PLCB1: variants seen among roughly 807,000 people sequenced by gnomAD.
PLCB1 encodes the protein 1-phosphatidylinositol 4,5-bisphosphate phosphodiesterase beta-1.
A neutral mutation model predicts 161.8 loss-of-function variants in PLCB1; 46 were observed. That is an observed-to-expected ratio of 0.28 (90% CI 0.22 to 0.36). The LOEUF is 0.36. Ranked by LOEUF, PLCB1 falls within the 10% of genes least tolerant of loss-of-function variation. PLCB1 has a pLI of 1.00. For missense variants in PLCB1, 1,016 were observed against 1,472.5 expected (o/e 0.69, Z 5.07); for synonymous variants, 517 against 503.7 (o/e 1.03, Z -0.35).
chr20:8,851,228 T>C (rs1395676830), intron 31 of PLCB1, among the ~76,000 whole-genome samples: 3 of 152,208 alleles, frequency 2.0e-5, no homozygotes, highest in African/African-American at 7.2e-5. Context: ...TCACCATCAC[T>C]GTTTGTTACC....
At chr20:8,540,432 G>A (rs1220334182) in intron 3 of PLCB1, among the ~76,000 whole-genome samples, 1 of 152,074 alleles carries the variant, frequency 6.6e-6, no homozygotes, top group African/African-American at 2.4e-5. Flanking sequence ...ATCACAACAT[G>A]GGTACATCTT....
chr20:8,217,728 C>G (rs530928236), intron 2 of PLCB1, among the ~76,000 whole-genome samples: 2 of 152,220 alleles, frequency 1.3e-5, no homozygotes, highest in African/African-American at 4.8e-5. Context: ...GCAACAATGG[C>G]TTTTCAGAGG....
At chr20:8,745,442 A>T (rs575612943) in intron 23 of PLCB1, among the ~76,000 whole-genome samples, 2 of 152,276 alleles carry the variant, frequency 1.3e-5, no homozygotes, top group East Asian at 3.9e-4. Context: ...TAAAAATGTC[A>T]TTGGACTGCA....
chr20:8,782,361 A>C (rs564118798), intron 27 of PLCB1, among the ~76,000 whole-genome samples: 4 of 152,050 alleles, frequency 2.6e-5, no homozygotes, highest in South Asian at 2.1e-4. Context: ...GTCAGGTCAC[A>C]CTCCCATATA....
chr20:8,540,168 C>T (rs1600139190), intron 3 of PLCB1, among the ~76,000 whole-genome samples: 1 of 152,016 alleles, frequency 6.6e-6, no homozygotes, highest in East Asian at 1.9e-4. Context: ...GTTTGCATCA[C>T]TTTTTTTTCA....
chr20:8,757,821 C>T (rs574668209), intron 24 of PLCB1, among the ~76,000 whole-genome samples: 2 of 151,888 alleles, frequency 1.3e-5, no homozygotes, highest in African/African-American at 2.4e-5. Context: ...TCCTATATTA[C>T]AGCCAAAGCC....
intron 27 of PLCB1, among the ~76,000 whole-genome samples, chr20:8,782,581 C>A (rs1983294526): frequency 3.9e-5 from 6 of 152,066 alleles, no homozygotes; most frequent in Admixed American, 3.9e-4. Flanking sequence ...TTTTAAGAGA[C>A]AGGTCTCACT....
intron 31 of PLCB1, chr20:8,792,839 A>C (rs184441832): frequency 3.4e-5 from 12 of 353,472 alleles, no homozygotes; most frequent in African/African-American, 2.6e-4. Flanking sequence ...TGACAACAGG[A>C]GCAGCAATAG....
intron 3 of PLCB1, among the ~76,000 whole-genome samples, chr20:8,556,988 A>C (rs1985980903): frequency 1.5e-5 from 1 of 68,870 alleles, no homozygotes; most frequent in Non-Finnish European, 3.8e-5. Flanking sequence ...TAAATAAAAT[A>C]AATAAATAAA....
At chr20:8,568,851 G>T (rs1986419569) in intron 3 of PLCB1, among the ~76,000 whole-genome samples, 1 of 152,170 alleles carries the variant, frequency 6.6e-6, no homozygotes, top group Non-Finnish European at 1.5e-5. Flanking sequence ...ACAAGCACCA[G>T]TACAGCGGGG....
At chr20:8,205,145 G>A (rs1383128122) in intron 2 of PLCB1, among the ~76,000 whole-genome samples, 1 of 152,096 alleles carries the variant, frequency 6.6e-6, no homozygotes, top group Non-Finnish European at 1.5e-5. Flanking sequence ...ATTTAATGTT[G>A]TTATGAAATA....
intron 3 of PLCB1, among the ~76,000 whole-genome samples, chr20:8,582,045 T>C (rs887339798): frequency 2.0e-5 from 3 of 152,178 alleles, no homozygotes; most frequent in Non-Finnish European, 4.4e-5. Context: ...ATTAGCAAGT[T>C]CTACATATTA....
intron 3 of PLCB1, among the ~76,000 whole-genome samples, chr20:8,501,018 C>A (rs1227546815): frequency 6.6e-6 from 1 of 152,122 alleles, no homozygotes; most frequent in Non-Finnish European, 1.5e-5. Context: ...TTCTCAGATA[C>A]CCCAACAGTT....
At chr20:8,256,318 T>G (rs1981411829) in intron 2 of PLCB1, among the ~76,000 whole-genome samples, 1 of 152,144 alleles carries the variant, frequency 6.6e-6, no homozygotes, top group Admixed American at 6.6e-5. Context: ...GGCTTCCTTG[T>G]GTGTATGGTC....
chr20:8,388,174 T>C (rs914450083), intron 3 of PLCB1, among the ~76,000 whole-genome samples: 1 of 152,140 alleles, frequency 6.6e-6, no homozygotes, highest in South Asian at 2.1e-4. Context: ...CTTGTAACTT[T>C]ACTGACAATA....
rs552036563 is a variant in PLCB1, at chr20:8,165,296, T to A, written c.177+14925T>A. 1.3e-3 allele frequency among the ~76,000 whole-genome samples: 195 copies of A among 152,324 alleles called. 1 individual carries two copies. The highest frequency in any genetic ancestry group is 4.5e-3 in the African/African-American group (187 of 41,578). On this transcript the variant is annotated intron_variant, in intron 2 of 31. Transcript: ENST00000338037. Reference sequence around the variant, plus strand: ...AATTTCTGGGTAAGGAAAGTAGAACTTATTAATAAACTGTTGTGCTGCAGA... The same window carrying A: ...AATTTCTGGGTAAGGAAAGTAGAACATATTAATAAACTGTTGTGCTGCAGA...
chr20:8,734,896 C>A (rs1481742276), intron 19 of PLCB1, among the ~76,000 whole-genome samples: 1 of 152,156 alleles, frequency 6.6e-6, no homozygotes. Flanking sequence ...TCACTAATTT[C>A]TTTCTACCCT....
chr20:8,267,190 T>A, intron 2 of PLCB1, among the ~76,000 whole-genome samples: 1 of 143,740 alleles, frequency 7.0e-6, no homozygotes, highest in East Asian at 2.1e-4. Context: ...CAGCAAGCAA[T>A]AATCATGCCT....
At position 8,580,304 on chromosome 20, in the gene PLCB1, C is replaced by G. The variant is rs576252759; in HGVS notation, c.247-47990C>G. On this transcript the variant is annotated intron_variant, in intron 3 of 31. Coordinates refer to ENST00000338037, the MANE Select transcript of PLCB1 (RefSeq NM_015192.4). ...CCTAAGGCAATAATATATTACTGTT[C>G]TTAGAGAGAAAAGTTAAGGGAGTTG... Among the ~76,000 whole-genome samples the G allele has an allele frequency of 7.2e-5, 11 of 152,250 alleles. No individual in the cohort carries two copies. The South Asian group carries it at 8.3e-4, about 11-fold the overall frequency.
Sources: allele counts gnomAD v4.1 joint callset (sites outside exome capture counted in the v4.1 genomes callset), GRCh38; gene constraint gnomAD v4.1.1; transcripts MANE v1.5; gene names NCBI Gene and HGNC (gene_info 2026-07-23, HGNC 2026-07-21).